Variants in TMPRSS15 observed in about 807,000 individuals in gnomAD.
The protein encoded by TMPRSS15 is enteropeptidase.
Under a neutral mutation model 125.3 loss-of-function variants are expected in TMPRSS15, and 128 were observed. That is an observed-to-expected ratio of 1.02 (90% confidence interval 0.89 to 1.18). The LOEUF (loss-of-function observed/expected upper bound fraction) is 1.18. Ranked by LOEUF, TMPRSS15 falls within the 50% of genes most tolerant of loss-of-function variation. The pLI is 0.00. For missense variants in TMPRSS15, 1,283 were observed against 1,212.7 expected, an observed-to-expected ratio of 1.06 and a Z score of -0.86; for synonymous variants, 446 against 423.2, an observed-to-expected ratio of 1.05 and a Z score of -0.66.
At chr21:18,333,890 C>T (rs1215351099) in intron 13 of TMPRSS15, among the ~76,000 whole-genome samples, 3 of 152,092 alleles carry the variant, frequency 2.0e-5, no homozygotes, top group Non-Finnish European at 4.4e-5. Flanking sequence ...CTAATTGTAT[C>T]TAATTCTTGT....
intron 13 of TMPRSS15, among the ~76,000 whole-genome samples, chr21:18,335,010 A>G (rs940656622): frequency 2.0e-5 from 3 of 152,226 alleles, no homozygotes; most frequent in Non-Finnish European, 4.4e-5. Flanking sequence ...ACAATGGAGA[A>G]CAAGGGCAAG....
At chr21:18,365,406 T>A (rs1457158453) in intron 6 of TMPRSS15, among the ~76,000 whole-genome samples, 158 bp from the exon 7 acceptor site, 1 of 152,222 alleles carries the variant, frequency 6.6e-6, no homozygotes, top group Non-Finnish European at 1.5e-5. Flanking sequence ...ATTAGCCATG[T>A]TCAAATACTC....
At chr21:18,454,783 T>A (rs999130939) in intron 1 of TMPRSS15, among the ~76,000 whole-genome samples, 4 of 152,166 alleles carry the variant, frequency 2.6e-5, no homozygotes, top group Admixed American at 6.6e-5. Flanking sequence ...TAAGGGCAGA[T>A]CTTCTTTACT....
chr21:18,270,016 C>A lies in TMPRSS15; in HGVS notation c.3013G>T (p.Ala1005Ser). 1 of 1,613,900 alleles carries A rather than the reference C, an allele frequency of 6.2e-7. No individual in the cohort carries two copies. The highest frequency in any genetic ancestry group is 8.5e-7 in the Non-Finnish European group (1 of 1,179,860). Reference protein sequence around the residue: ...CALPNRPGVYARVSRFTEWIQ... With the variant: ...CALPNRPGVYSRVSRFTEWIQ... ...CATTCGGTAAACCTTGAGACCCTGG[C>A]ATACACTCCGGGGCGATTAGGCAGG... is the stretch of plus-strand genomic sequence containing the variant. The change falls in exon 25 of 25, where the codon GCC becomes TCC. Residue 1005 changes from alanine (A) to serine (S), a missense_variant. Coordinates refer to ENST00000284885, the MANE Select transcript of TMPRSS15 (RefSeq NM_002772.3).
rs2075321857 is a variant in TMPRSS15, at chr21:18,329,279, T to C, written c.1670A>G (p.Asn557Ser). ...PNLAFCVWIL[N>S]AQKGKNIQLH... ...TTGTATATTCTTTCCTTTTTGTGCA[T>C]TTAAAATCCAAACACCTAAAAAGTA... Residue 557 changes from asparagine (N) to serine (S), a missense_variant, in exon 15 of 25, where the codon AAT becomes AGT. By Grantham distance (46) the Asn-to-Ser change is conservative. Transcript: ENST00000284885. The C allele has an allele frequency of 1.2e-6, 2 of 1,610,510 alleles. No homozygotes were observed. The highest frequency in any genetic ancestry group is 1.3e-5 in the African/African-American group (1 of 74,836).
intron 1 of TMPRSS15, among the ~76,000 whole-genome samples, chr21:18,451,327 G>T (rs1269725982): frequency 6.6e-6 from 1 of 151,374 alleles, no homozygotes; most frequent in African/African-American, 2.4e-5. Flanking sequence ...CTGTCAAAAA[G>T]CTACTGAACT....
chr21:18,408,269 A>G (rs1487608721), upstream of TMPRSS15, among the ~76,000 whole-genome samples: 5 of 152,216 alleles, frequency 3.3e-5, no homozygotes, highest in African/African-American at 1.2e-4. Flanking sequence ...GATTAAAGCC[A>G]TGAACACTTC....
intron 1 of TMPRSS15, among the ~76,000 whole-genome samples, chr21:18,419,294 C>G (rs908961792): frequency 7.1e-6 from 1 of 140,520 alleles, no homozygotes; most frequent in African/African-American, 2.6e-5. Context: ...GGTGCTATCT[C>G]TGCTCACTGC....
intron 21 of TMPRSS15, among the ~76,000 whole-genome samples, chr21:18,282,052 T>C (rs1273093264): frequency 8.5e-5 from 11 of 130,136 alleles, no homozygotes; most frequent in East Asian, 2.2e-4. Context: ...GAGCCGAGAT[T>C]GCGCCACTGC....
chr21:18,458,530 G>T (rs749130129), intron 1 of TMPRSS15, among the ~76,000 whole-genome samples: 28 of 152,130 alleles, frequency 1.8e-4, no homozygotes, highest in Non-Finnish European at 2.9e-4. Flanking sequence ...GAGGAGTTAC[G>T]GTTGTTTTCA....
At chr21:18,363,396 C>T (rs924416329) in intron 7 of TMPRSS15, among the ~76,000 whole-genome samples, 1 of 152,044 alleles carries the variant, frequency 6.6e-6, no homozygotes, top group Non-Finnish European at 1.5e-5. Context: ...GCGTAAAGGA[C>T]ATTATCATTA....
At chr21:18,413,322 TCCTTCCTTCCTTCCTTCCTTCC>T (rs2076171836) in intron 1 of TMPRSS15, among the ~76,000 whole-genome samples, 1 of 127,612 alleles carries the variant, frequency 7.8e-6, no homozygotes, top group South Asian at 2.7e-4. Context: ...TTTCCTTCCT[TCCTTCCTTCCTTCCTTCCTTCC>T]TTCCTTCCTT....
chr21:18,353,730 C>A lies in TMPRSS15; in HGVS notation c.1014G>T (p.Glu338Asp), dbSNP rs757353134. 1 of 1,610,356 alleles carries A rather than the reference C, an allele frequency of 6.2e-7. No homozygotes were observed. Among genetic ancestry groups the A allele is most frequent in the South Asian group, 1.1e-5 (1 of 90,828 alleles). Residue 338 changes from glutamate to aspartate, a missense_variant, in exon 9 of 25, where the codon GAG becomes GAT. Transcript: ENST00000284885. ...AAAATAAATAATACTTACTATTAAGCTCACTGCTGTTAAATGCAGTATATG... is the reference window on the plus strand; with the variant it reads ...AAAATAAATAATACTTACTATTAAGATCACTGCTGTTAAATGCAGTATATG... ...NATYTAFNSS[E>D]LNNYEKINCN...
chr21:18,276,497 T>G (rs755013318), intron 23 of TMPRSS15, among the ~76,000 whole-genome samples: 1 of 152,182 alleles, frequency 6.6e-6, no homozygotes, highest in Non-Finnish European at 1.5e-5. Context: ...ATCCATTCTA[T>G]GAGGATCAAG....
intron 1 of TMPRSS15, among the ~76,000 whole-genome samples, chr21:18,423,454 G>T (rs2123195633): frequency 6.7e-6 from 1 of 149,968 alleles, no homozygotes. Flanking sequence ...TGTCGCCCAG[G>T]CTGGAGTGCA....
chr21:18,319,182 GA>G (rs2075207140), intron 16 of TMPRSS15, among the ~76,000 whole-genome samples: 1 of 152,106 alleles, frequency 6.6e-6, no homozygotes, highest in Non-Finnish European at 1.5e-5. Flanking sequence ...GACCTTGGTT[GA>G]AGGTGCAATT....
At chr21:18,317,269 A>G (rs1461962693) in intron 16 of TMPRSS15, among the ~76,000 whole-genome samples, 1 of 152,174 alleles carries the variant, frequency 6.6e-6, no homozygotes, top group African/African-American at 2.4e-5. Flanking sequence ...GAAAAATACC[A>G]TTACACTTCT....
chr21:18,471,134 T>C (rs564711817), intron 1 of TMPRSS15, among the ~76,000 whole-genome samples: 4 of 151,994 alleles, frequency 2.6e-5, no homozygotes, highest in Non-Finnish European at 5.9e-5. Context: ...AGGCAGAAAT[T>C]TGGGGTTTCA....
At chr21:18,383,527 C>T in intron 4 of TMPRSS15, 100 bp downstream of exon 4, 1 of 1,391,790 alleles carries the variant, frequency 7.2e-7, no homozygotes, top group Non-Finnish European at 9.9e-7. Flanking sequence ...AAGACATGTT[C>T]CTAAGGTCAA....
Sources: gnomAD v4.1 joint callset for allele counts (sites outside exome capture counted in the v4.1 genomes callset) on GRCh38, gnomAD v4.1.1 for gene constraint, MANE v1.5 for transcripts, NCBI Gene and HGNC (gene_info 2026-07-23, HGNC 2026-07-21) for gene names.